Variants in ITGBL1 observed in about 807,000 individuals in gnomAD.
The protein encoded by ITGBL1 is integrin subunit beta like 1, also known as integrin beta-like protein 1.
ITGBL1 carries 51 observed loss-of-function variants against 68.5 expected under a neutral mutation model. The observed-to-expected ratio is 0.74, with a 90% confidence interval of 0.59 to 0.94. The LOEUF is 0.94. Among genes scored for constraint, ITGBL1 ranks in the 40% least tolerant of loss-of-function variants. The probability of loss-of-function intolerance (pLI) is 0.00; values close to 1 mark genes in which losing one functional copy is unlikely to be tolerated. For missense variants in ITGBL1, 649 were observed against 647.4 expected (o/e 1.00, Z -0.03); for synonymous variants, 209 against 227.3 (o/e 0.92, Z 0.72).
chr13:101,661,223 T>G (rs1302779042), intron 7 of ITGBL1, among the ~76,000 whole-genome samples: 1 of 152,158 alleles, frequency 6.6e-6, no homozygotes, highest in Non-Finnish European at 1.5e-5. Flanking sequence ...TGGTTCATGG[T>G]GGTTTGCTTC....
chr13:101,614,498 T>C (rs963304230), intron 7 of ITGBL1, among the ~76,000 whole-genome samples: 4 of 152,170 alleles, frequency 2.6e-5, no homozygotes, highest in Non-Finnish European at 5.9e-5. Flanking sequence ...GATGAGTCTG[T>C]GTAGGTGCAG....
At chr13:101,512,743 T>C (rs932622121) in intron 2 of ITGBL1, among the ~76,000 whole-genome samples, 2 of 152,156 alleles carry the variant, frequency 1.3e-5, no homozygotes, top group Admixed American at 1.3e-4. Flanking sequence ...TGTGGATTCT[T>C]ATCTATAATT....
Position 101,453,972 on chromosome 13 carries a change from G to C in ITGBL1, c.188G>C (p.Cys63Ser), listed in dbSNP as rs776598493. ...APGQPPGAAL[C>S]HGRGRCDCGV... The stretch of plus-strand genomic sequence containing the variant: ...GGGCAGCCCCCGGGGGCCGCGCTGT[G>C]CCACGGCCGGGGCCGCTGCGACTGC... The change falls in exon 2 of 11, where the codon TGC becomes TCC. Residue 63 changes from cysteine (C) to serine (S), a missense_variant. Physicochemically the swap from Cys to Ser is moderately radical, Grantham distance 112. Coordinates refer to ENST00000376180, the MANE Select transcript of ITGBL1 (RefSeq NM_004791.3). The C allele has an allele frequency of 5.9e-6, 9 of 1,526,964 alleles. No homozygotes were observed. In the East Asian group the frequency reaches 7.7e-5, roughly 13 times the overall value. The allele number at this position is 1,526,964 out of a possible 1,614,324, so 94.6% of individuals were successfully genotyped here. A position where few individuals can be genotyped will look rare whatever the true frequency, so the allele number is the denominator to read the frequency against.
In ITGBL1 at chr13:101,605,158, GTATA is replaced by G. The variant is rs2030687850; in HGVS notation, c.1015+6861_1015+6864del. Among the ~76,000 whole-genome samples the G allele has an allele frequency of 5.8e-5, 4 of 69,466 alleles. No homozygotes were observed. The South Asian group carries it at 1.8e-3, about 32-fold the overall frequency. The allele number at this position is 69,466 out of a possible 152,430, so 45.6% of individuals were successfully genotyped here. ...TATGTGTATATATACATATGTGTGT[GTATA>G]TGCGTATATATGCACATATAGACAT... On this transcript the variant is annotated intron_variant, in intron 7 of 10. Coordinates refer to ENST00000376180, the MANE Select transcript of ITGBL1 (RefSeq NM_004791.3).
rs1318465197 is a variant in ITGBL1 at position 101,715,913 on chromosome 13, AGT to A, written c.*260_*261del. 1 of 382,930 alleles carries A rather than the reference AGT, an allele frequency of 2.6e-6. No individual in the cohort carries two copies. Among genetic ancestry groups the A allele is most frequent in the Non-Finnish European group, 4.8e-6 (1 of 206,722 alleles). 23.7% of individuals were successfully genotyped at this position (382,930 alleles called of 1,614,324 possible). On this transcript the variant is annotated 3_prime_UTR_variant, in exon 11 of 11. Transcript: ENST00000376180. ...AACGAGAGCAATTTTTCCACCCAAA[AGT>A]CATTTGGCAACATCTACAGACAATT...
intron 2 of ITGBL1, among the ~76,000 whole-genome samples, chr13:101,491,619 TTTTC>T (rs993452843): frequency 6.7e-6 from 1 of 149,790 alleles, no homozygotes; most frequent in Non-Finnish European, 1.5e-5. Context: ...ATTGCTTTCT[TTTTC>T]TTTATTTTTT....
intron 7 of ITGBL1, among the ~76,000 whole-genome samples, chr13:101,650,734 AC>A (rs1301459798): frequency 1.3e-5 from 2 of 151,400 alleles, no homozygotes; most frequent in Non-Finnish European, 2.9e-5. Flanking sequence ...TCCGCCCATC[AC>A]CTAGGTATTA....
rs950862588 is a variant in ITGBL1 at position 101,558,589 on chromosome 13, A to C, written c.317-9110A>C. ...CTTTCTCTCGTTCCCTTCTCAGGACACCTGAGATATGCCATACTCTCTTTT... is the reference window on the plus strand; with the variant it reads ...CTTTCTCTCGTTCCCTTCTCAGGACCCCTGAGATATGCCATACTCTCTTTT... On this transcript the variant is annotated intron_variant, in intron 2 of 10. Transcript: ENST00000376180. Among the ~76,000 whole-genome samples, 8 of 152,160 alleles carry C rather than the reference A, an allele frequency of 5.3e-5. No individual in the cohort carries two copies. The East Asian group carries it at 1.5e-3, about 29-fold the overall frequency.
intron 9 of ITGBL1, among the ~76,000 whole-genome samples, chr13:101,710,048 A>G (rs1261092185): frequency 6.6e-6 from 1 of 152,254 alleles, no homozygotes; most frequent in East Asian, 1.9e-4. Flanking sequence ...AAAACAAAAC[A>G]AAACAAAGCC....
chr13:101,667,001 A>G (rs778870968), intron 7 of ITGBL1, among the ~76,000 whole-genome samples: 3 of 152,238 alleles, frequency 2.0e-5, no homozygotes. Flanking sequence ...GATTTGTCCA[A>G]ATCCTTAAAA....
At chr13:101,671,447 G>GTT (rs1313845131) in intron 7 of ITGBL1, among the ~76,000 whole-genome samples, 1,145 of 103,646 alleles carry the variant, frequency 0.011, 85 homozygotes, top group South Asian at 0.022. Context: ...GTTTTTTTTT[G>GTT]TTTTTTTTTG....
At chr13:101,546,815 T>G (rs369828940) in intron 2 of ITGBL1, among the ~76,000 whole-genome samples, 48 of 152,136 alleles carry the variant, frequency 3.2e-4, no homozygotes, top group African/African-American at 1.1e-3. Context: ...ATAGAACATG[T>G]TAAACTATCA....
At chr13:101,536,042 C>T (rs1486570695) in intron 2 of ITGBL1, among the ~76,000 whole-genome samples, 1 of 94,804 alleles carries the variant, frequency 1.1e-5, no homozygotes, top group African/African-American at 4.6e-5. Context: ...AGGTTGGTGG[C>T]CCTTTTCTAT....
intron 7 of ITGBL1, among the ~76,000 whole-genome samples, chr13:101,644,772 T>C (rs1043994723): frequency 1.3e-5 from 2 of 152,312 alleles, no homozygotes; most frequent in African/African-American, 4.8e-5. Context: ...TACTCATTTA[T>C]GTGAATAAGC....
chr13:101,662,500 T>C (rs559873911), intron 7 of ITGBL1, among the ~76,000 whole-genome samples: 150 of 152,300 alleles, frequency 9.8e-4, no homozygotes, highest in African/African-American at 3.4e-3. Flanking sequence ...CAAATTCCTC[T>C]ATTTTCTGAC....
intron 2 of ITGBL1, among the ~76,000 whole-genome samples, chr13:101,533,565 G>A (rs1052547742): frequency 1.2e-4 from 18 of 152,320 alleles, no homozygotes; most frequent in South Asian, 4.1e-4. Context: ...TATATTTGAT[G>A]TTAAATAAAT....
At chr13:101,704,664 A>C (rs1427098513) in intron 8 of ITGBL1, among the ~76,000 whole-genome samples, 1 of 152,162 alleles carries the variant, frequency 6.6e-6, no homozygotes, top group African/African-American at 2.4e-5. Context: ...GAATTAAGAA[A>C]TCCTGCTGTG....
chr13:101,481,227 T>C (rs1283861625), intron 2 of ITGBL1, among the ~76,000 whole-genome samples: 1 of 151,410 alleles, frequency 6.6e-6, no homozygotes, highest in African/African-American at 2.4e-5. Flanking sequence ...TGGCAGGCAA[T>C]GTGAGCAGAG....
chr13:101,712,288 C>G (rs1243579336), intron 9 of ITGBL1: 1 of 152,104 alleles, frequency 6.6e-6, no homozygotes, highest in Non-Finnish European at 1.5e-5. Flanking sequence ...AAAATCAATC[C>G]TCATTTTTTA....
Sources: allele counts gnomAD v4.1 joint callset (sites outside exome capture counted in the v4.1 genomes callset), GRCh38; gene constraint gnomAD v4.1.1; transcripts MANE v1.5; gene names NCBI Gene and HGNC (gene_info 2026-07-23, HGNC 2026-07-21).